The following PSMA8 variants were observed in gnomAD, a reference collection of about 807,000 sequenced individuals.
PSMA8 encodes the protein proteasome 20S subunit alpha 8, also known as proteasome subunit alpha-type 8.
In PSMA8, 18 loss-of-function variants were observed where a neutral mutation model predicts 32.4. That is an observed-to-expected ratio of 0.56 (90% CI 0.38 to 0.82). PSMA8 has a LOEUF of 0.82. Among genes scored for constraint, PSMA8 ranks in the 40% least tolerant of loss-of-function variants. PSMA8 has a pLI of 0.00. For synonymous variants in PSMA8, 104 were observed against 98.1 expected (o/e 1.06, Z -0.36); for missense variants, 298 against 300.7 (o/e 0.99, Z 0.07).
At chr18:26,161,845 T>G (rs1373814239) in intron 4 of PSMA8, among the ~76,000 whole-genome samples, 10 of 152,192 alleles carry the variant, frequency 6.6e-5, no homozygotes, top group Non-Finnish European at 1.3e-4. Flanking sequence ...TGAGTTTCTC[T>G]TCCATTGAGG....
At chr18:26,150,453 G>A (rs139765005) in intron 2 of PSMA8, among the ~76,000 whole-genome samples, 1,942 of 151,630 alleles carry the variant, frequency 0.013, 18 homozygotes, top group Non-Finnish European at 0.02. Flanking sequence ...TCCCCCCGCC[G>A]CAGCCTCCCA....
chr18:26,157,607 G>C (rs2055100283), intron 3 of PSMA8, among the ~76,000 whole-genome samples: 1 of 152,100 alleles, frequency 6.6e-6, no homozygotes. Flanking sequence ...AGGTTTTCTT[G>C]TTTTGGGAAT....
chr18:26,180,538 C>G (rs970710947), intron 6 of PSMA8, among the ~76,000 whole-genome samples: 1 of 152,046 alleles, frequency 6.6e-6, no homozygotes, highest in African/African-American at 2.4e-5. Context: ...TTACAGAGTG[C>G]TGAGCACAGA....
chr18:26,178,472 A>G (rs1264185411), intron 4 of PSMA8, among the ~76,000 whole-genome samples: 1 of 152,082 alleles, frequency 6.6e-6, no homozygotes, highest in Non-Finnish European at 1.5e-5. Flanking sequence ...GGTGATGCAT[A>G]CCTGTAGTCC....
At position 26,189,249 on chromosome 18, in the gene PSMA8, G is replaced by A. The variant is rs111876616; in HGVS notation, c.661-3070G>A. On this transcript the variant is annotated intron_variant, in intron 6 of 6. Coordinates refer to ENST00000415576, the MANE Select transcript of PSMA8 (RefSeq NM_001025096.2). ...ATGGCAAACAGGCATATAAAAAGGT[G>A]CTTGGGCTGAGCTCTTGCTTGTAAT... is the stretch of plus-strand genomic sequence containing the variant. 1.1e-3 allele frequency among the ~76,000 whole-genome samples: 170 copies of A among 152,242 alleles called. 1 individual carries two copies. Among genetic ancestry groups the A allele is most frequent in the African/African-American group, 4.0e-3 (165 of 41,556 alleles).
chr18:26,141,013 T>C (rs577192694), intron 1 of PSMA8, among the ~76,000 whole-genome samples: 3 of 152,310 alleles, frequency 2.0e-5, no homozygotes, highest in Admixed American at 6.5e-5. Context: ...AATTGTTACT[T>C]TTCCACACTT....
intron 6 of PSMA8, among the ~76,000 whole-genome samples, chr18:26,186,715 A>G (rs891091530): frequency 6.6e-6 from 1 of 152,240 alleles, no homozygotes; most frequent in Non-Finnish European, 1.5e-5. Flanking sequence ...AAGGTATATA[A>G]GTAGACTTCT....
At position 26,178,848 on chromosome 18, in the gene PSMA8, A is replaced by G. The variant is rs370534304; in HGVS notation, c.496A>G (p.Ser166Gly). 1.2e-6 allele frequency: 2 copies of G among 1,612,096 alleles called. No homozygotes were observed. The highest frequency in any genetic ancestry group is 2.7e-5 in the African/African-American group (2 of 74,886). The change falls in exon 5 of 7, where the codon AGT becomes GGT. Residue 166 changes from serine to glycine, a missense_variant. Ser to Gly is a moderately conservative substitution (Grantham distance 56). Transcript: ENST00000415576. ...HAWKANAIGR[S>G]AKTVREFLEK... is the part of the protein sequence containing the mutation. ...TTTCAAGGCAAATGCAATAGGCCGAAGTGCTAAAACTGTTCGAGAATTTCT... is the reference window on the plus strand; with the variant it reads ...TTTCAAGGCAAATGCAATAGGCCGAGGTGCTAAAACTGTTCGAGAATTTCT...
intron 6 of PSMA8, among the ~76,000 whole-genome samples, chr18:26,183,117 C>T (rs1393034961): frequency 6.7e-6 from 1 of 149,172 alleles, no homozygotes; most frequent in Non-Finnish European, 1.5e-5. Context: ...AAAGGCCGGG[C>T]GTGGTGGCTC....
intron 6 of PSMA8, among the ~76,000 whole-genome samples, chr18:26,183,813 A>G (rs1170732906): frequency 6.6e-6 from 1 of 150,698 alleles, no homozygotes; most frequent in Non-Finnish European, 1.5e-5. Context: ...GCTATAGAGA[A>G]ATCTTTTGGG....
intron 2 of PSMA8, among the ~76,000 whole-genome samples, chr18:26,146,793 C>T (rs1012526730): frequency 6.6e-6 from 1 of 152,078 alleles, no homozygotes; most frequent in African/African-American, 2.4e-5. Flanking sequence ...TATAAAGAAA[C>T]ACCTGAAAAA....
chr18:26,141,331 A>G (rs1260258533), intron 1 of PSMA8, among the ~76,000 whole-genome samples: 2 of 152,184 alleles, frequency 1.3e-5, no homozygotes, highest in Non-Finnish European at 2.9e-5. Flanking sequence ...ATATTAACAT[A>G]TTCATTATCA....
intron 6 of PSMA8, among the ~76,000 whole-genome samples, chr18:26,191,144 A>G (rs1367967408): frequency 6.6e-6 from 1 of 152,148 alleles, no homozygotes; most frequent in Non-Finnish European, 1.5e-5. Flanking sequence ...TTGTGAATCT[A>G]TGTTTTCTTA....
At chr18:26,161,819 A>G (rs550406848) in intron 4 of PSMA8, among the ~76,000 whole-genome samples, 10 of 152,186 alleles carry the variant, frequency 6.6e-5, no homozygotes, top group Non-Finnish European at 1.2e-4. Flanking sequence ...CAAGTAGGGG[A>G]AACTTATATC....
At chr18:26,170,689 G>A in intron 4 of PSMA8, 1 of 1,360,492 alleles carries the variant, frequency 7.4e-7, no homozygotes, top group Non-Finnish European at 1.0e-6. Flanking sequence ...TTCAGAGGGA[G>A]GGGGAACAAC....
intron 4 of PSMA8, among the ~76,000 whole-genome samples, chr18:26,165,815 G>A (rs189296109): frequency 1.3e-5 from 2 of 152,230 alleles, no homozygotes; most frequent in East Asian, 3.9e-4. Flanking sequence ...AAAAACTACG[G>A]CCAGGCGTGG....
chr18:26,171,338 C>G, intron 4 of PSMA8: 1 of 1,444,258 alleles, frequency 6.9e-7, no homozygotes, highest in Non-Finnish European at 9.1e-7. Flanking sequence ...AACGCGCGGT[C>G]AAGTTTGGCG....
At chr18:26,173,874 C>T (rs1307250975) in intron 4 of PSMA8, among the ~76,000 whole-genome samples, 5 of 151,958 alleles carry the variant, frequency 3.3e-5, no homozygotes, top group Non-Finnish European at 7.4e-5. Flanking sequence ...ACTTTTTATA[C>T]TGTTGACACA....
chr18:26,165,875 C>G (rs562674784), intron 4 of PSMA8, among the ~76,000 whole-genome samples: 1 of 152,130 alleles, frequency 6.6e-6, no homozygotes, highest in East Asian at 1.9e-4. Context: ...GCAGGTGGAT[C>G]ACCTGAGGTC....
Sources: gnomAD v4.1 joint callset for allele counts (sites outside exome capture counted in the v4.1 genomes callset) on GRCh38, gnomAD v4.1.1 for gene constraint, MANE v1.5 for transcripts, NCBI Gene and HGNC (gene_info 2026-07-23, HGNC 2026-07-21) for gene names.